The following CFAP74 variants were observed in gnomAD, a reference collection of about 807,000 sequenced individuals.
The protein encoded by CFAP74 is cilia and flagella associated protein 74, also known as cilia- and flagella-associated protein 74.
Under a neutral mutation model 188.9 loss-of-function variants are expected in CFAP74, and 124 were observed. The observed-to-expected ratio is 0.66, with a 90% confidence interval of 0.57 to 0.76. CFAP74 has a LOEUF of 0.76. CFAP74 is among the 30% of genes least tolerant of loss of function. The pLI, the probability that CFAP74 is intolerant of heterozygous loss-of-function variation, is 0.00. For missense variants in CFAP74, 2,198 were observed against 2,165.2 expected (o/e 1.02, Z -0.30); for synonymous variants, 956 against 916.7 (o/e 1.04, Z -0.77).
chr1:1,954,746 G>T (rs905851121), intron 18 of CFAP74: 8 of 1,031,484 alleles, frequency 7.8e-6, no homozygotes, highest in Non-Finnish European at 9.5e-6. Context: ...CTGCACCACT[G>T]CACTCCAGCC....
Position 1,968,634 on chromosome 1 carries a change from C to G in CFAP74, c.1245+1G>C. ...TGTCTACAGGAAGGCGTTTTGCTCACCAGTGTGTACGTGTTGGTTGGGACT... is the reference window on the plus strand; with the variant it reads ...TGTCTACAGGAAGGCGTTTTGCTCAGCAGTGTGTACGTGTTGGTTGGGACT... On this transcript the variant is annotated splice_donor_variant, in intron 11 of 38. Coordinates refer to ENST00000682832, the MANE Select transcript of CFAP74 (RefSeq NM_001304360.2). LOFTEE classifies it high-confidence loss of function. This position sits in a 1 kb window ranked among gnomAD's most constrained non-coding sequence, Gnocchi z 4.3. 1 of 1,612,414 alleles carries G rather than the reference C, an allele frequency of 6.2e-7. No homozygotes were observed. Among genetic ancestry groups the G allele is most frequent in the Non-Finnish European group, 8.5e-7 (1 of 1,179,186 alleles).
At chr1:1,989,731 G>T (rs904231963) in intron 2 of CFAP74, among the ~76,000 whole-genome samples, 1 of 152,228 alleles carries the variant, frequency 6.6e-6, no homozygotes, top group Non-Finnish European at 1.5e-5. Flanking sequence ...CAAGTGCTGG[G>T]ATGACAGGCG....
intron 6 of CFAP74, among the ~76,000 whole-genome samples, chr1:1,978,047 C>A (rs1656563199): frequency 6.6e-6 from 1 of 152,228 alleles, no homozygotes; most frequent in Admixed American, 6.5e-5. Flanking sequence ...TGGGGTTTCA[C>A]CATGTTCCCA....
At position 1,985,389 on chromosome 1, in the gene CFAP74, C is replaced by T; in HGVS notation, c.497G>A (p.Ser166Asn). ...QSRTEAVLKE[S>N]ENTMWHIEIQ... ...TCCCGGCTGCACACCGACTCACTCG[C>T]TCTCCTTCAGCACGGCCTCAGTCCT... The change falls in exon 6 of 39, where the codon AGC (serine) becomes AAC (asparagine). Residue 166 changes from serine (S) to asparagine (N), a missense_variant. Physicochemically the swap from Ser to Asn is conservative, Grantham distance 46. Transcript: ENST00000682832. 6.2e-7 allele frequency: 1 copy of T among 1,613,704 alleles called. No individual in the cohort carries two copies. Among genetic ancestry groups the T allele is most frequent in the Non-Finnish European group, 8.5e-7 (1 of 1,179,684 alleles).
chr1:1,957,971 G>C (rs533349288), intron 16 of CFAP74, among the ~76,000 whole-genome samples: 1 of 152,380 alleles, frequency 6.6e-6, no homozygotes, highest in East Asian at 1.9e-4. Context: ...GGCCACTTGA[G>C]TGCCAAGAGG....
chr1:1,970,014 C>A (rs79252606), intron 10 of CFAP74, among the ~76,000 whole-genome samples: 1 of 152,150 alleles, frequency 6.6e-6, no homozygotes, highest in African/African-American at 2.4e-5. Flanking sequence ...CGAGACTGAG[C>A]GGGAGAGAGG....
intron 15 of CFAP74, 34 bp from the exon 16 acceptor site, chr1:1,959,243 T>G (rs1654889554): frequency 7.2e-7 from 1 of 1,380,984 alleles, no homozygotes. Context: ...CACAATACAC[T>G]TCTGCAACTT....
chr1:1,985,155 G>A (rs1315347710), intron 6 of CFAP74: 13 of 482,644 alleles, frequency 2.7e-5, no homozygotes, highest in Non-Finnish European at 4.9e-5. Flanking sequence ...AGAGGAAAAA[G>A]AACCTGATTT....
At chr1:1,993,307 C>T (rs1173473092) in intron 1 of CFAP74, among the ~76,000 whole-genome samples, 1 of 151,002 alleles carries the variant, frequency 6.6e-6, no homozygotes, top group Non-Finnish European at 1.5e-5. Context: ...TTTTTTGAGA[C>T]AGGGTTTGAC....
At chr1:1,949,036 CTCCT>C (rs539224340) in intron 18 of CFAP74, among the ~76,000 whole-genome samples, 15 of 100,342 alleles carry the variant, frequency 1.5e-4, no homozygotes, top group African/African-American at 2.2e-4. Flanking sequence ...CTCTCCCTCC[CTCCT>C]TCCTTCCCTC....
intron 14 of CFAP74, among the ~76,000 whole-genome samples, chr1:1,960,438 G>T (rs1341312019): frequency 1.3e-5 from 2 of 152,248 alleles, no homozygotes; most frequent in African/African-American, 2.4e-5. Context: ...GCCAGGAAGA[G>T]AGCTGGAACT....
intron 18 of CFAP74, chr1:1,954,718 G>A: frequency 1.2e-6 from 1 of 848,466 alleles, no homozygotes; most frequent in Non-Finnish European, 1.4e-6. Context: ...GGGAGGTCGA[G>A]GCTGCAGTGA....
intron 4 of CFAP74, chr1:1,988,172 G>T: frequency 3.9e-6 from 2 of 516,030 alleles, no homozygotes; most frequent in East Asian, 5.3e-5. Flanking sequence ...TCTGTGATTT[G>T]CTTTAACATA....
At chr1:1,995,840 G>A (rs989949261) in intron 1 of CFAP74, among the ~76,000 whole-genome samples, 5 of 151,546 alleles carry the variant, frequency 3.3e-5, no homozygotes, top group Admixed American at 3.3e-4. Flanking sequence ...CCCGGGAGGC[G>A]GAACTTGCAG....
chr1:1,990,539 A>G (rs958792976), intron 2 of CFAP74, among the ~76,000 whole-genome samples: 2 of 152,158 alleles, frequency 1.3e-5, no homozygotes, highest in Non-Finnish European at 2.9e-5. Flanking sequence ...GAACCAAATC[A>G]AGGCACGTCT....
At chr1:1,930,680 C>T (rs1486109978) in intron 25 of CFAP74, among the ~76,000 whole-genome samples, 3 of 152,112 alleles carry the variant, frequency 2.0e-5, no homozygotes, top group Admixed American at 1.3e-4. Context: ...CTCAGCCTCC[C>T]GAGTAGCTGG....
At chr1:1,949,945 T>G (rs1159162056) in intron 18 of CFAP74, among the ~76,000 whole-genome samples, 5 of 152,196 alleles carry the variant, frequency 3.3e-5, no homozygotes, top group Non-Finnish European at 7.3e-5. Context: ...AGTTGTTGGT[T>G]TTTGCCAATT....
At chr1:1,992,039 C>CAAAAA (rs537739387) in intron 1 of CFAP74, among the ~76,000 whole-genome samples, 4,112 of 133,000 alleles carry the variant, frequency 0.031, 213 homozygotes, top group African/African-American at 0.11. Context: ...GACTCCGTCT[C>CAAAAA]AAAAAAAAAA....
chr1:1,991,994 C>CA (rs1558066494), intron 1 of CFAP74, among the ~76,000 whole-genome samples: 61 of 147,970 alleles, frequency 4.1e-4, no homozygotes, highest in African/African-American at 1.5e-3. Flanking sequence ...GAGCCGAGAT[C>CA]GCGCCACTGC....
Sources: allele counts gnomAD v4.1 joint callset (sites outside exome capture counted in the v4.1 genomes callset), GRCh38; gene constraint gnomAD v4.1.1; non-coding constraint Gnocchi (gnomAD v3.1); transcripts MANE v1.5; gene names NCBI Gene and HGNC (gene_info 2026-07-23, HGNC 2026-07-21).